CPM: variants seen among roughly 807,000 people sequenced by gnomAD.
CPM encodes the protein renal carboxypeptidase.
In CPM, 35 loss-of-function variants were observed where a neutral mutation model predicts 46.4. The observed-to-expected ratio is 0.75, with a 90% CI of 0.58 to 1.00. The LOEUF (loss-of-function observed/expected upper bound fraction) is 1.00, where lower values mean the gene tolerates loss of function less well. Ranked by LOEUF, CPM falls within the 50% of genes least tolerant of loss-of-function variation. The pLI is 0.00. For synonymous variants in CPM, 195 were observed against 195.3 expected, an observed-to-expected ratio of 1.00 and a Z score of 0.01; for missense variants, 422 against 530.4, an observed-to-expected ratio of 0.80 and a Z score of 2.01.
At chr12:68,917,377 A>G (rs923977807) in intron 2 of CPM, among the ~76,000 whole-genome samples, 1 of 152,206 alleles carries the variant, frequency 6.6e-6, no homozygotes, top group Non-Finnish European at 1.5e-5. Flanking sequence ...GCCATGAACT[A>G]TATTAGGCAT....
rs546033900 is a variant in CPM, at chr12:68,903,355, C to T, written c.161-17466G>A. ...AAACTGTAGCTTATGTTCAATATAT[C>T]CAAAGGACCAACACTGAATGTTAAG... On this transcript the variant is annotated intron_variant, in intron 2 of 8. Coordinates refer to ENST00000551568, the MANE Select transcript of CPM (RefSeq NM_198320.5). Among the ~76,000 whole-genome samples, 11 of 152,204 alleles carry T rather than the reference C, an allele frequency of 7.2e-5. No homozygotes were observed. In the South Asian group the frequency reaches 1.9e-3, roughly 26 times the overall value.
chr12:68,868,316 T>C (rs1251507211), intron 6 of CPM, among the ~76,000 whole-genome samples: 10 of 152,104 alleles, frequency 6.6e-5, no homozygotes, highest in Non-Finnish European at 1.0e-4. Context: ...TTATTTATAT[T>C]ACCAGGAAAA....
chr12:68,921,428 C>T (rs1471809515), intron 2 of CPM, among the ~76,000 whole-genome samples: 10 of 152,184 alleles, frequency 6.6e-5, no homozygotes, highest in Admixed American at 6.5e-4. Context: ...AGGTGTGAAC[C>T]ACCGCAACCA....
At chr12:68,940,508 A>T (rs1888743634) in intron 1 of CPM, among the ~76,000 whole-genome samples, 3 of 148,136 alleles carry the variant, frequency 2.0e-5, no homozygotes, top group African/African-American at 7.5e-5. Flanking sequence ...TAGTATGTGA[A>T]CTATGTGTTA....
chr12:68,869,475 G>A lies in CPM; in HGVS notation c.637C>T (p.Arg213Ter), dbSNP rs1885595736. The A allele has an allele frequency of 2.5e-6, 4 of 1,609,838 alleles. No individual in the cohort carries two copies. Among genetic ancestry groups the A allele is most frequent in the African/African-American group, 1.3e-5 (1 of 74,666 alleles). The change falls in exon 6 of 9, where the codon CGA becomes TGA. Residue 213 changes from arginine (R) to a stop codon, truncating the protein, a stop_gained. Transcript: ENST00000551568. LOFTEE classifies it high-confidence loss of function. ...ACATCATCATCAGGCGTTAAGCTTC[G>A]GGAGTATAATGCCCCAGTTGCTGCA... Reference protein sequence around the residue: ...GVQATGALYSRSLTPDDDVFQ... With the variant: ...GVQATGALYS
chr12:68,932,874 A>G, intron 1 of CPM, 34 bp from the exon 2 acceptor site: 1 of 1,605,524 alleles, frequency 6.2e-7, no homozygotes, highest in South Asian at 1.1e-5. Context: ...GAACCTGAGA[A>G]CACATGAGGG....
intron 2 of CPM, among the ~76,000 whole-genome samples, chr12:68,922,678 G>A (rs957542115): frequency 6.6e-6 from 1 of 150,878 alleles, no homozygotes; most frequent in Non-Finnish European, 1.5e-5. Flanking sequence ...GCTTGACAAA[G>A]GTATGTATGT....
At chr12:68,879,537 A>T (rs951585429) in intron 3 of CPM, among the ~76,000 whole-genome samples, 4 of 151,882 alleles carry the variant, frequency 2.6e-5, no homozygotes, top group Non-Finnish European at 5.9e-5. Flanking sequence ...CTAATTTTTA[A>T]ATTTTTTTTT....
intron 2 of CPM, among the ~76,000 whole-genome samples, chr12:68,913,325 A>T (rs1350010842): frequency 6.6e-6 from 1 of 152,034 alleles, no homozygotes. Flanking sequence ...AAATCAGTAG[A>T]GGTGGTTAAG....
intron 6 of CPM, among the ~76,000 whole-genome samples, chr12:68,868,659 G>C (rs553716366): frequency 6.6e-6 from 1 of 151,964 alleles, no homozygotes; most frequent in Non-Finnish European, 1.5e-5. Flanking sequence ...TCCCTTACCC[G>C]GCTGTCTTAT....
intron 5 of CPM, chr12:68,843,152 T>C (rs1371158088): frequency 4.5e-6 from 1 of 223,888 alleles, no homozygotes; most frequent in East Asian, 6.5e-5. Flanking sequence ...GTAGAACATG[T>C]GTCTGTTAAT....
rs983461469 is a variant in CPM, at chr12:68,867,183, A to T, written c.788-135T>A. ...ATGAATTTGACATATTAGCTTGTAA[A>T]ATCAGGGCTTGACATTCTATTACCC... On this transcript the variant is annotated intron_variant, in intron 6 of 8. Transcript: ENST00000551568. 1.4e-5 allele frequency: 12 copies of T among 862,170 alleles called. No homozygotes were observed. In the Admixed American group the frequency reaches 2.0e-4, roughly 14 times the overall value. The allele number at this position is 862,170 out of a possible 1,614,324, so 53.4% of individuals were successfully genotyped here. A position where few individuals can be genotyped will look rare whatever the true frequency, so the allele number is the denominator to read the frequency against.
chr12:68,885,682 T>C (rs1232133332), intron 3 of CPM, 110 bp downstream of exon 3: 2 of 856,236 alleles, frequency 2.3e-6, no homozygotes, highest in East Asian at 2.4e-5. Context: ...CTTTGTACAA[T>C]GCATGCTGGA....
chr12:68,926,298 T>C (rs549270645), intron 2 of CPM, among the ~76,000 whole-genome samples: 2 of 152,284 alleles, frequency 1.3e-5, no homozygotes, highest in South Asian at 4.2e-4. Flanking sequence ...TATAAAACAT[T>C]ATTAGTGAAA....
chr12:68,932,321 C>A (rs1405314318), intron 2 of CPM, among the ~76,000 whole-genome samples: 2 of 152,168 alleles, frequency 1.3e-5, no homozygotes, highest in East Asian at 3.8e-4. Flanking sequence ...AAGAAGCCCA[C>A]ACAAAGGGGA....
At chr12:68,878,505 C>T (rs1271570437) in intron 3 of CPM, among the ~76,000 whole-genome samples, 1 of 152,116 alleles carries the variant, frequency 6.6e-6, no homozygotes, top group African/African-American at 2.4e-5. Flanking sequence ...TCTTGTGGCC[C>T]CCACCCAGGA....
At chr12:68,863,379 TTAAG>T (rs1056981702) in intron 7 of CPM, among the ~76,000 whole-genome samples, 2 of 152,126 alleles carry the variant, frequency 1.3e-5, no homozygotes, top group African/African-American at 4.8e-5. Context: ...GCAAGACATT[TTAAG>T]CCTCTAGAAT....
intron 1 of CPM, among the ~76,000 whole-genome samples, chr12:68,961,008 G>A (rs74099611): frequency 0.034 from 5,141 of 152,230 alleles, 285 homozygotes; most frequent in African/African-American, 0.12. Flanking sequence ...GTCATCCCCA[G>A]TAAAAACTAG....
At chr12:68,897,994 C>T (rs1886952504) in intron 2 of CPM, among the ~76,000 whole-genome samples, 1 of 151,674 alleles carries the variant, frequency 6.6e-6, no homozygotes, top group Admixed American at 6.6e-5. Flanking sequence ...CAAGCATGGA[C>T]CACTACGCCT....
Sources: allele counts gnomAD v4.1 joint callset (sites outside exome capture counted in the v4.1 genomes callset), GRCh38; gene constraint gnomAD v4.1.1; transcripts MANE v1.5; gene names NCBI Gene and HGNC (gene_info 2026-07-23, HGNC 2026-07-21).